IMPG1: variants seen among roughly 807,000 people sequenced by gnomAD.
The protein encoded by IMPG1 is interphotoreceptor matrix proteoglycan of 150 kDa.
A neutral mutation model predicts 92.0 loss-of-function variants in IMPG1; 85 were observed. That is an observed-to-expected ratio of 0.92 (90% CI 0.78 to 1.11). The LOEUF is 1.11. IMPG1 is among the 50% of genes least tolerant of loss of function. The probability of loss-of-function intolerance (pLI) is 0.00; values close to 1 mark genes in which losing one functional copy is unlikely to be tolerated. For synonymous variants in IMPG1, 367 were observed against 334.1 expected, an observed-to-expected ratio of 1.10 and a Z score of -1.08; for missense variants, 1,022 against 956.0, an observed-to-expected ratio of 1.07 and a Z score of -0.91.
intron 12 of IMPG1, among the ~76,000 whole-genome samples, chr6:75,963,044 G>GA (rs34000613): frequency 0.17 from 24,285 of 139,816 alleles, 2,278 homozygotes; most frequent in Admixed American, 0.23. Context: ...CTGTCTCCAG[G>GA]AAAAAAAAAA....
chr6:75,986,508 C>G (rs1025404454), intron 12 of IMPG1, among the ~76,000 whole-genome samples: 11 of 152,218 alleles, frequency 7.2e-5, no homozygotes, highest in African/African-American at 2.4e-4. Flanking sequence ...AGAAGGGGAT[C>G]TGCAGAAAGA....
intron 12 of IMPG1, among the ~76,000 whole-genome samples, chr6:75,997,040 C>T (rs1562363586): frequency 1.3e-5 from 2 of 152,196 alleles, no homozygotes; most frequent in Admixed American, 6.5e-5. Context: ...CATATTAAGT[C>T]ACCTGACATT....
intron 12 of IMPG1, among the ~76,000 whole-genome samples, chr6:75,985,881 A>G (rs1782709031): frequency 1.3e-5 from 2 of 152,240 alleles, no homozygotes; most frequent in Non-Finnish European, 1.5e-5. Context: ...TAATGCATTA[A>G]TAAAAGAAAA....
At chr6:75,983,991 G>C (rs1782672150) in intron 12 of IMPG1, among the ~76,000 whole-genome samples, 2 of 152,086 alleles carry the variant, frequency 1.3e-5, no homozygotes, top group African/African-American at 4.8e-5. Context: ...AATCAGCAGG[G>C]AAATGCAAAT....
At chr6:75,992,769 T>A (rs1782834535) in intron 12 of IMPG1, among the ~76,000 whole-genome samples, 1 of 152,130 alleles carries the variant, frequency 6.6e-6, no homozygotes, top group Admixed American at 6.5e-5. Context: ...TGAAACTCAC[T>A]CCAGTCTCTG....
intron 1 of IMPG1, among the ~76,000 whole-genome samples, chr6:76,054,099 T>C (rs945812811): frequency 6.6e-6 from 1 of 152,178 alleles, no homozygotes; most frequent in African/African-American, 2.4e-5. Context: ...GGCAAATAAT[T>C]AATTTCTATT....
chr6:75,998,477 T>C (rs897023370), intron 12 of IMPG1, among the ~76,000 whole-genome samples: 4 of 152,228 alleles, frequency 2.6e-5, no homozygotes, highest in Non-Finnish European at 5.9e-5. Flanking sequence ...AATGTGCTAA[T>C]TTTAACATAT....
chr6:75,977,665 A>G (rs6909852), intron 12 of IMPG1, among the ~76,000 whole-genome samples: 2,006 of 152,186 alleles, frequency 0.013, 23 homozygotes, highest in Non-Finnish European at 0.021. Flanking sequence ...TCATTTCATA[A>G]AGAACTCGAG....
chr6:75,922,471 T>C (rs1477329026), intron 16 of IMPG1, among the ~76,000 whole-genome samples: 3 of 152,208 alleles, frequency 2.0e-5, no homozygotes, highest in Non-Finnish European at 4.4e-5. Context: ...TAGTGTATTA[T>C]AGCATGCTTC....
chr6:75,949,647 G>A (rs1013314693), intron 13 of IMPG1, among the ~76,000 whole-genome samples: 1 of 152,208 alleles, frequency 6.6e-6, no homozygotes, highest in Middle Eastern at 3.4e-3. Flanking sequence ...CTCTCTTGGG[G>A]TCTGGACTAG....
At chr6:75,997,788 A>G (rs1463555587) in intron 12 of IMPG1, among the ~76,000 whole-genome samples, 2 of 152,170 alleles carry the variant, frequency 1.3e-5, no homozygotes, top group South Asian at 4.1e-4. Flanking sequence ...GAATAAGAAC[A>G]TATCTTTTTA....
intron 1 of IMPG1, among the ~76,000 whole-genome samples, chr6:76,049,871 G>A (rs1257140321): frequency 3.9e-5 from 6 of 152,144 alleles, no homozygotes; most frequent in Non-Finnish European, 8.8e-5. Context: ...GGTTGGCACC[G>A]AAGGCTTAAG....
intron 12 of IMPG1, among the ~76,000 whole-genome samples, chr6:75,996,454 G>A (rs946765467): frequency 2.0e-5 from 3 of 152,212 alleles, no homozygotes; most frequent in South Asian, 2.1e-4. Flanking sequence ...TTTTATCCCC[G>A]CATAAGAGGC....
At chr6:75,980,881 C>T (rs1782616152) in intron 12 of IMPG1, among the ~76,000 whole-genome samples, 1 of 152,112 alleles carries the variant, frequency 6.6e-6, no homozygotes, top group Non-Finnish European at 1.5e-5. Flanking sequence ...TCTAGAGAAC[C>T]CTGTGTGTTG....
chr6:75,996,674 A>G (rs1484357170), intron 12 of IMPG1, among the ~76,000 whole-genome samples: 1 of 152,194 alleles, frequency 6.6e-6, no homozygotes, highest in Non-Finnish European at 1.5e-5. Flanking sequence ...CTGGCTAGGG[A>G]GAACTTTCCA....
At chr6:75,969,720 C>T (rs1782372131) in intron 12 of IMPG1, among the ~76,000 whole-genome samples, 1 of 151,348 alleles carries the variant, frequency 6.6e-6, no homozygotes, top group African/African-American at 2.4e-5. Context: ...GTGACAGAGA[C>T]TCCATCTCAA....
intron 12 of IMPG1, among the ~76,000 whole-genome samples, chr6:75,953,823 T>C (rs1312429305): frequency 1.3e-5 from 2 of 152,132 alleles, no homozygotes; most frequent in Non-Finnish European, 2.9e-5. Flanking sequence ...CCATGTGTTC[T>C]CATTGTTCAT....
chr6:76,022,944 C>A (rs1783458999), intron 5 of IMPG1, among the ~76,000 whole-genome samples: 1 of 152,132 alleles, frequency 6.6e-6, no homozygotes, highest in South Asian at 2.1e-4. Flanking sequence ...ACATAGAATG[C>A]CTTAGTTTAT....
chr6:75,947,946 T>C (rs1448675762), intron 13 of IMPG1, among the ~76,000 whole-genome samples: 3 of 151,966 alleles, frequency 2.0e-5, no homozygotes, highest in South Asian at 4.2e-4. Context: ...GGGACATCTA[T>C]TTGGATGCAG....
Sources: gnomAD v4.1 joint callset for allele counts (sites outside exome capture counted in the v4.1 genomes callset) on GRCh38, gnomAD v4.1.1 for gene constraint, MANE v1.5 for transcripts, NCBI Gene and HGNC (gene_info 2026-07-23, HGNC 2026-07-21) for gene names.